Variants in RHBDL2 observed in about 807,000 individuals in gnomAD.
The protein encoded by RHBDL2 is rhomboid-related protein 2.
Under a neutral mutation model 31.7 loss-of-function variants are expected in RHBDL2, and 26 were observed. The observed-to-expected ratio is 0.82, with a 90% confidence interval of 0.60 to 1.14. The LOEUF (loss-of-function observed/expected upper bound fraction) is 1.14. RHBDL2 is among the 50% of genes most tolerant of loss of function. The pLI, the probability that RHBDL2 is intolerant of heterozygous loss-of-function variation, is 0.00. For synonymous variants in RHBDL2, 123 were observed against 127.2 expected, an observed-to-expected ratio of 0.97 and a Z score of 0.22; for missense variants, 336 against 364.4, an observed-to-expected ratio of 0.92 and a Z score of 0.63.
Position 38,919,090 on chromosome 1 carries a change from CTTG to C in RHBDL2, c.120_122del (p.Lys41del). 6.2e-7 allele frequency: 1 copy of C among 1,614,158 alleles called. No homozygotes were observed. Among genetic ancestry groups the C allele is most frequent in the South Asian group, 1.1e-5 (1 of 91,082 alleles). On this transcript the variant is annotated inframe_deletion, in exon 2 of 8. Coordinates refer to ENST00000372990, the MANE Select transcript of RHBDL2 (RefSeq NM_017821.5). ...AGACAATCCTGTGGACCTTTTTACT[CTTG>C]GCCCGATCTTTACCTCCCCCATCCT...
intron 4 of RHBDL2, among the ~76,000 whole-genome samples, chr1:38,899,510 G>T (rs913574609): frequency 6.6e-6 from 1 of 152,218 alleles, no homozygotes; most frequent in African/African-American, 2.4e-5. Flanking sequence ...GGCATGTGGG[G>T]CATGGGGATG....
intron 1 of RHBDL2, among the ~76,000 whole-genome samples, chr1:38,936,946 GTGTTCTTTTT>G (rs1014024412): frequency 1.4e-5 from 2 of 146,876 alleles, no homozygotes; most frequent in African/African-American, 5.1e-5. Flanking sequence ...GTATTCTCGA[GTGTTCTTTTT>G]TTTTTTTTTG....
At chr1:38,916,191 G>A (rs1331911660) in intron 2 of RHBDL2, among the ~76,000 whole-genome samples, 1 of 152,260 alleles carries the variant, frequency 6.6e-6, no homozygotes, top group African/African-American at 2.4e-5. Context: ...GAATGTCCCA[G>A]TGATGCCACA....
intron 6 of RHBDL2, among the ~76,000 whole-genome samples, chr1:38,891,483 T>C (rs1261193346): frequency 6.6e-6 from 1 of 152,172 alleles, no homozygotes; most frequent in African/African-American, 2.4e-5. Context: ...ACCCCGTATC[T>C]CAGGTGACAA....
At chr1:38,894,707 C>CTTTTTTTTTTTTTTTT (rs71057159) in intron 5 of RHBDL2, among the ~76,000 whole-genome samples, 3 of 114,192 alleles carry the variant, frequency 2.6e-5, no homozygotes, top group East Asian at 5.2e-4. Flanking sequence ...CTTTTTTTTT[C>CTTTTTTTTTTTTTTTT]TTTTTTTTTT....
intron 5 of RHBDL2, among the ~76,000 whole-genome samples, chr1:38,895,585 C>T (rs1288055753): frequency 6.6e-6 from 1 of 152,186 alleles, no homozygotes. Context: ...GGGCAGATCG[C>T]TTGAGCCTAG....
intron 3 of RHBDL2, 170 bp downstream of exon 3, chr1:38,915,392 A>G (rs1472428240): frequency 4.8e-6 from 3 of 624,706 alleles, no homozygotes; most frequent in Middle Eastern, 4.4e-4. Context: ...CCATGACTAC[A>G]TCTCCTATGC....
chr1:38,938,881 C>A (rs1643536108), intron 1 of RHBDL2, among the ~76,000 whole-genome samples: 1 of 152,204 alleles, frequency 6.6e-6, no homozygotes, highest in African/African-American at 2.4e-5. Context: ...AGGGCTTCCG[C>A]ATTATTCATC....
At chr1:38,941,399 G>C (rs946432687) in intron 1 of RHBDL2, among the ~76,000 whole-genome samples, 1 of 152,070 alleles carries the variant, frequency 6.6e-6, no homozygotes, top group African/African-American at 2.4e-5. Context: ...GCAGGGAAGA[G>C]GAATGGAATT....
At position 38,919,330 on chromosome 1, in the gene RHBDL2, G is replaced by A. The variant is rs1445282030; in HGVS notation, c.-118C>T. On this transcript the variant is annotated 5_prime_UTR_variant, in exon 2 of 8. Coordinates refer to ENST00000372990, the MANE Select transcript of RHBDL2 (RefSeq NM_017821.5). The stretch of plus-strand genomic sequence containing the variant: ...GTCTGGCGCAACGACTGCTTTCCAA[G>A]GCCTTTCCTGTATGTGAAGAGAAGA... 6.3e-7 allele frequency: 1 copy of A among 1,592,964 alleles called. No individual in the cohort carries two copies. The highest frequency in any genetic ancestry group is 1.3e-5 in the African/African-American group (1 of 74,530).
intron 4 of RHBDL2, among the ~76,000 whole-genome samples, chr1:38,898,782 A>C (rs1642949671): frequency 6.6e-6 from 1 of 152,190 alleles, no homozygotes; most frequent in African/African-American, 2.4e-5. Flanking sequence ...AAACTCCAGA[A>C]AGGAGCATGC....
At chr1:38,896,900 G>C (rs1642925075) in intron 4 of RHBDL2, among the ~76,000 whole-genome samples, 1 of 151,882 alleles carries the variant, frequency 6.6e-6, no homozygotes, top group South Asian at 2.1e-4. Context: ...TACCTATTTT[G>C]TGCAAGAAAA....
intron 2 of RHBDL2, 59 bp downstream of exon 2, chr1:38,918,906 CTA>C: frequency 6.4e-7 from 1 of 1,570,726 alleles, no homozygotes; most frequent in Non-Finnish European, 8.6e-7. Context: ...GATCTGACCC[CTA>C]GTTTGTTCCC....
chr1:38,925,658 G>A (rs752876591), intron 1 of RHBDL2, among the ~76,000 whole-genome samples: 2 of 152,116 alleles, frequency 1.3e-5, no homozygotes, highest in African/African-American at 2.4e-5. Flanking sequence ...ACTTGACACA[G>A]CATGCCAATT....
At chr1:38,913,374 T>C (rs1188085341) in intron 3 of RHBDL2, among the ~76,000 whole-genome samples, 1 of 152,194 alleles carries the variant, frequency 6.6e-6, no homozygotes, top group Non-Finnish European at 1.5e-5. Context: ...GAGCCATGTT[T>C]GCTCAGAACA....
At chr1:38,918,862 C>G in intron 2 of RHBDL2, 105 bp downstream of exon 2, 2 of 1,398,978 alleles carry the variant, frequency 1.4e-6, no homozygotes, top group Non-Finnish European at 2.0e-6. Context: ...CCACGAAGCT[C>G]TCTCCCATGT....
rs1234610612 is a variant in RHBDL2 at position 38,887,948 on chromosome 1, A to T, written c.732+15T>A. On this transcript the variant is annotated intron_variant, in intron 7 of 7. Transcript: ENST00000372990. ...AACTAATTTCTATTTTATAAAAGAAAGAAACTGAACTCACCGGAGACCCAT... is the reference window on the plus strand; with the variant it reads ...AACTAATTTCTATTTTATAAAAGAATGAAACTGAACTCACCGGAGACCCAT... The T allele has an allele frequency of 6.4e-7, 1 of 1,571,024 alleles. No individual in the cohort carries two copies. Among genetic ancestry groups the T allele is most frequent in the East Asian group, 2.2e-5 (1 of 44,660 alleles).
intron 1 of RHBDL2, among the ~76,000 whole-genome samples, chr1:38,934,728 C>G (rs1034108068): frequency 2.0e-5 from 3 of 149,252 alleles, no homozygotes; most frequent in African/African-American, 7.4e-5. Context: ...GGGGCCGAGG[C>G]GGGCAGATCA....
intron 4 of RHBDL2, among the ~76,000 whole-genome samples, chr1:38,905,240 CT>C (rs1643048340): frequency 6.7e-6 from 1 of 149,820 alleles, no homozygotes; most frequent in Non-Finnish European, 1.5e-5. Flanking sequence ...GCCTAATTTT[CT>C]TTTGGTAGAG....
Sources: allele counts gnomAD v4.1 joint callset (sites outside exome capture counted in the v4.1 genomes callset), GRCh38; gene constraint gnomAD v4.1.1; transcripts MANE v1.5; gene names NCBI Gene and HGNC (gene_info 2026-07-23, HGNC 2026-07-21).